Variants in PCSK5 observed in about 807,000 individuals in gnomAD.
PCSK5 encodes the protein proprotein convertase subtilisin/kexin type 5.
In PCSK5, 129 loss-of-function variants were observed where a neutral mutation model predicts 233.2. The ratio of observed to expected loss-of-function variants is 0.55; its 90% CI spans 0.48 to 0.64. The LOEUF (loss-of-function observed/expected upper bound fraction) is 0.64. PCSK5 is among the 30% of genes least tolerant of loss of function. PCSK5 has a pLI of 0.00. For missense variants in PCSK5, 2,076 were observed against 2,430.1 expected, an observed-to-expected ratio of 0.85 and a Z score of 3.06; for synonymous variants, 825 against 879.2, an observed-to-expected ratio of 0.94 and a Z score of 1.09.
At chr9:76,054,988 A>G (rs899572665) in intron 5 of PCSK5, among the ~76,000 whole-genome samples, 30 of 152,306 alleles carry the variant, frequency 2.0e-4, no homozygotes, top group Admixed American at 2.0e-3. Flanking sequence ...TATGAAATAT[A>G]CTTTTCATTT....
chr9:76,079,304 C>G (rs1204668401), intron 7 of PCSK5, among the ~76,000 whole-genome samples: 1 of 151,294 alleles, frequency 6.6e-6, no homozygotes, highest in Non-Finnish European at 1.5e-5. Context: ...CCCATCTCTA[C>G]TAAAAATACA....
chr9:76,156,729 A>C (rs573004928), intron 10 of PCSK5, among the ~76,000 whole-genome samples: 1 of 152,346 alleles, frequency 6.6e-6, no homozygotes, highest in South Asian at 2.1e-4. Flanking sequence ...TTAATGAATG[A>C]TGATATAATA....
In PCSK5 at chr9:76,239,251, T is replaced by C. The variant is rs1283304875; in HGVS notation, c.3073+86T>C. 4 of 1,126,632 alleles carry C rather than the reference T, an allele frequency of 3.6e-6. No homozygotes were observed. In the African/African-American group the frequency reaches 4.6e-5, roughly 13 times the overall value. 69.8% of individuals were successfully genotyped at this position (1,126,632 alleles called of 1,614,324 possible). ...GATGTCCTGGAGACTTGAATTGCCT[T>C]CCTGGCTTGCATGTCAGCACTTGGG... On this transcript the variant is annotated intron_variant, in intron 23 of 37. Coordinates refer to ENST00000674117, the MANE Select transcript of PCSK5 (RefSeq NM_001372043.1).
intron 28 of PCSK5, among the ~76,000 whole-genome samples, chr9:76,303,286 A>T (rs1340704962): frequency 6.6e-6 from 1 of 152,036 alleles, no homozygotes. Flanking sequence ...CTATCCTCCC[A>T]CCTTGGCCTC....
intron 5 of PCSK5, among the ~76,000 whole-genome samples, chr9:76,030,676 G>T (rs1016921655): frequency 4.6e-5 from 7 of 152,004 alleles, no homozygotes; most frequent in Non-Finnish European, 1.0e-4. Flanking sequence ...CCAAATATGT[G>T]TTGTAGTCTG....
At chr9:76,126,434 A>G (rs1832856535) in intron 9 of PCSK5, among the ~76,000 whole-genome samples, 1 of 152,132 alleles carries the variant, frequency 6.6e-6, no homozygotes, top group Non-Finnish European at 1.5e-5. Context: ...ACCAACGTGG[A>G]GAAATCCCGT....
At chr9:76,294,790 T>G (rs960859128) in intron 25 of PCSK5, among the ~76,000 whole-genome samples, 19 of 151,778 alleles carry the variant, frequency 1.3e-4, no homozygotes, top group African/African-American at 4.6e-4. Flanking sequence ...CAGAAGGAGG[T>G]GGTTAGTGAC....
intron 7 of PCSK5, among the ~76,000 whole-genome samples, chr9:76,075,110 C>T (rs1471467126): frequency 6.6e-6 from 1 of 152,154 alleles, no homozygotes; most frequent in Admixed American, 6.5e-5. Flanking sequence ...ATCCCAACTA[C>T]TCAAGAGGCT....
intron 2 of PCSK5, among the ~76,000 whole-genome samples, chr9:75,946,689 A>G (rs1824586842): frequency 1.3e-5 from 2 of 152,222 alleles, no homozygotes; most frequent in South Asian, 4.1e-4. Context: ...CTCGGGTTCA[A>G]GTGATTCTCC....
chr9:76,326,984 C>T (rs756124110), intron 32 of PCSK5, among the ~76,000 whole-genome samples: 7 of 152,220 alleles, frequency 4.6e-5, no homozygotes, highest in Middle Eastern at 3.4e-3. Context: ...CAGAGATGGT[C>T]GGCCTGGTGC....
intron 26 of PCSK5, among the ~76,000 whole-genome samples, chr9:76,295,885 G>A (rs138404660): frequency 8.1e-4 from 124 of 152,344 alleles, no homozygotes; most frequent in African/African-American, 2.1e-3. Context: ...TCTTCCAGCT[G>A]AAGAGGATAA....
chr9:76,192,789 A>G (rs570729695), intron 20 of PCSK5, among the ~76,000 whole-genome samples: 75 of 152,326 alleles, frequency 4.9e-4, no homozygotes, highest in African/African-American at 1.7e-3. Flanking sequence ...TGATAAGACA[A>G]TATTGTGTCA....
intron 20 of PCSK5, among the ~76,000 whole-genome samples, chr9:76,202,821 A>C (rs1179817414): frequency 6.6e-6 from 1 of 152,180 alleles, no homozygotes; most frequent in East Asian, 1.9e-4. Context: ...TACTTGTAGG[A>C]ATATTTGTCT....
rs141825941 is a variant in PCSK5 at position 76,278,840 on chromosome 9, T to C, written c.3143-13393T>C. Among the ~76,000 whole-genome samples the C allele has an allele frequency of 4.4e-3, 669 of 152,324 alleles. 6 individuals are homozygous for C. Among genetic ancestry groups the C allele is most frequent in the African/African-American group, 0.015 (626 of 41,586 alleles). On this transcript the variant is annotated intron_variant, in intron 24 of 37. Coordinates refer to ENST00000674117, the MANE Select transcript of PCSK5 (RefSeq NM_001372043.1). ...TTGAGAAACAAAATTTCAATGTCTA[T>C]TAGCCCATCTTATATAAGTGAACAG... is the stretch of plus-strand genomic sequence containing the variant.
intron 14 of PCSK5, among the ~76,000 whole-genome samples, chr9:76,175,887 A>T (rs1038490752): frequency 2.6e-5 from 4 of 152,146 alleles, no homozygotes; most frequent in African/African-American, 9.6e-5. Flanking sequence ...CCATTTTTCT[A>T]TTCGAAGTAC....
At chr9:76,188,814 G>A (rs1824227151) in intron 18 of PCSK5, 139 bp downstream of exon 18, 1 of 672,490 alleles carries the variant, frequency 1.5e-6, no homozygotes, top group African/African-American at 1.8e-5. Flanking sequence ...ATAATTGTGT[G>A]TGTATTCTCA....
chr9:76,003,671 CT>C (rs1321443895), intron 3 of PCSK5, among the ~76,000 whole-genome samples: 10 of 152,240 alleles, frequency 6.6e-5, no homozygotes, highest in African/African-American at 2.4e-4. Flanking sequence ...ACCACCCTCA[CT>C]TCTAAGAAAG....
intron 35 of PCSK5, among the ~76,000 whole-genome samples, chr9:76,339,200 G>C (rs1353017030): frequency 6.6e-6 from 1 of 151,798 alleles, no homozygotes; most frequent in Non-Finnish European, 1.5e-5. Flanking sequence ...AAATATATGA[G>C]CACCATGAAT....
chr9:76,080,939 G>T (rs898556254), intron 7 of PCSK5, among the ~76,000 whole-genome samples: 5 of 152,052 alleles, frequency 3.3e-5, no homozygotes, highest in Admixed American at 6.5e-5. Flanking sequence ...ATCTCATGTT[G>T]CTGAGTAACC....
Sources: gnomAD v4.1 joint callset for allele counts (sites outside exome capture counted in the v4.1 genomes callset) on GRCh38, gnomAD v4.1.1 for gene constraint, MANE v1.5 for transcripts, NCBI Gene and HGNC (gene_info 2026-07-23, HGNC 2026-07-21) for gene names.